The following NCAM2 variants were observed in gnomAD, a reference collection of about 807,000 sequenced individuals.
NCAM2 encodes the protein N-CAM-2.
Under a neutral mutation model 98.1 loss-of-function variants are expected in NCAM2, and 30 were observed. The ratio of observed to expected loss-of-function variants is 0.31; its 90% CI spans 0.23 to 0.41. The LOEUF is 0.41. NCAM2 is among the 10% of genes least tolerant of loss of function. The pLI is 1.00. For missense variants in NCAM2, 867 were observed against 1,005.8 expected (o/e 0.86, Z 1.87); for synonymous variants, 368 against 342.4 (o/e 1.07, Z -0.83).
chr21:21,397,120 A>G (rs113218061), intron 9 of NCAM2, among the ~76,000 whole-genome samples: 1 of 152,134 alleles, frequency 6.6e-6, no homozygotes, highest in Non-Finnish European at 1.5e-5. Context: ...TCATCCTGAC[A>G]TCTGTCCAAC....
chr21:21,058,826 A>G (rs1397452692), intron 1 of NCAM2, among the ~76,000 whole-genome samples: 2 of 152,014 alleles, frequency 1.3e-5, no homozygotes, highest in African/African-American at 4.8e-5. Context: ...TTGCTTTTCC[A>G]TTCTTCATTG....
intron 5 of NCAM2, among the ~76,000 whole-genome samples, chr21:21,295,821 G>T (rs375664002): frequency 2.1e-4 from 31 of 146,356 alleles, no homozygotes; most frequent in African/African-American, 8.0e-4. Flanking sequence ...TGCAAAACTA[G>T]TGCTTTTGTC....
chr21:21,477,460 A>T lies in NCAM2; in HGVS notation c.2066A>T (p.Asn689Ile). ...VYEFSMPPKP[N>I]IIKDTLFNGL... Reference sequence around the variant, plus strand: ...GAATTCAGCATGCCACCAAAGCCCAACATTATTAAAGGTAAGCAAAACTAT... The same window carrying T: ...GAATTCAGCATGCCACCAAAGCCCATCATTATTAAAGGTAAGCAAAACTAT... Residue 689 changes from asparagine (N) to isoleucine (I), a missense_variant, in exon 15 of 18, where the codon AAC becomes ATC. Around this residue, in one of 5 missense-constraint regions of NCAM2, gnomAD observed 234 missense variants for 333.8 expected, o/e 0.70. Transcript: ENST00000400546. 6.3e-7 allele frequency: 1 copy of T among 1,597,476 alleles called. No homozygotes were observed. The highest frequency in any genetic ancestry group is 8.5e-7 in the Non-Finnish European group (1 of 1,169,868).
At chr21:21,478,941 CTA>C (rs976849145) in intron 15 of NCAM2, among the ~76,000 whole-genome samples, 5 of 152,082 alleles carry the variant, frequency 3.3e-5, no homozygotes, top group African/African-American at 1.2e-4. Context: ...CATTACCTCT[CTA>C]TGTTTGAAAC....
intron 12 of NCAM2, chr21:21,463,757 C>G (rs182258351): frequency 9.9e-5 from 15 of 152,000 alleles, no homozygotes; most frequent in Non-Finnish European, 8.8e-5. Context: ...CTCCTCATAG[C>G]GCCTGTGAAA....
At chr21:21,244,247 T>C (rs1037903415) in intron 1 of NCAM2, among the ~76,000 whole-genome samples, 4 of 152,094 alleles carry the variant, frequency 2.6e-5, no homozygotes, top group African/African-American at 9.7e-5. Flanking sequence ...AAGGAAACCT[T>C]TTGTTGCTCC....
At chr21:21,373,742 G>A in intron 8 of NCAM2, 121 bp from the exon 9 acceptor site, 1 of 875,826 alleles carries the variant, frequency 1.1e-6, no homozygotes, top group Admixed American at 3.0e-5. Flanking sequence ...TCTACATCAG[G>A]AACAGTTTCT....
chr21:21,367,283 C>T (rs1175487290), intron 8 of NCAM2, among the ~76,000 whole-genome samples: 2 of 151,734 alleles, frequency 1.3e-5, no homozygotes, highest in African/African-American at 2.4e-5. Context: ...TTTGTTACAT[C>T]GATATATTAC....
intron 12 of NCAM2, among the ~76,000 whole-genome samples, chr21:21,456,311 A>C (rs2826848): frequency 0.21 from 31,634 of 152,098 alleles, 3,495 homozygotes; most frequent in African/African-American, 0.28. Flanking sequence ...GCCTAAGAAT[A>C]AAATCTCTAA....
intron 1 of NCAM2, among the ~76,000 whole-genome samples, chr21:21,052,758 G>C (rs2065137413): frequency 6.6e-6 from 1 of 152,088 alleles, no homozygotes; most frequent in African/African-American, 2.4e-5. Context: ...GGCTCCATCT[G>C]GGGTTTCTAC....
chr21:21,259,673 C>A (rs1367067061), intron 1 of NCAM2, among the ~76,000 whole-genome samples: 1 of 152,070 alleles, frequency 6.6e-6, no homozygotes, highest in Non-Finnish European at 1.5e-5. Context: ...ACTGAGACCT[C>A]TGCACCCTCA....
chr21:21,387,960 A>C (rs987241847), intron 9 of NCAM2, among the ~76,000 whole-genome samples: 5 of 152,220 alleles, frequency 3.3e-5, no homozygotes, highest in Non-Finnish European at 7.3e-5. Flanking sequence ...ATAAACACCC[A>C]AAAACACAGT....
intron 1 of NCAM2, among the ~76,000 whole-genome samples, chr21:21,077,413 A>G (rs1308359744): frequency 6.6e-6 from 1 of 152,196 alleles, no homozygotes; most frequent in African/African-American, 2.4e-5. Flanking sequence ...TTGAGAAAGA[A>G]GCATCTACTG....
Position 21,152,100 on chromosome 21 carries a change from G to C in NCAM2, c.56-128478G>C, listed in dbSNP as rs1601509843. 1.3e-5 allele frequency among the ~76,000 whole-genome samples: 2 copies of C among 151,920 alleles called. 1 individual carries two copies. Among genetic ancestry groups the C allele is most frequent in the South Asian group, 4.1e-4 (2 of 4,824 alleles). ...CTCCATGTATGTTGGACTGGCTGAC[G>C]TTTTATCACAGTCAATGACTGATGC... On this transcript the variant is annotated intron_variant, in intron 1 of 17. Coordinates refer to ENST00000400546, the MANE Select transcript of NCAM2 (RefSeq NM_004540.5).
chr21:21,190,108 C>T (rs1312917049), intron 1 of NCAM2, among the ~76,000 whole-genome samples: 1 of 152,154 alleles, frequency 6.6e-6, no homozygotes, highest in Non-Finnish European at 1.5e-5. Context: ...GAGATGCATT[C>T]ACTGGGGAAG....
At chr21:21,396,668 G>A (rs1340829968) in intron 9 of NCAM2, among the ~76,000 whole-genome samples, 1 of 152,190 alleles carries the variant, frequency 6.6e-6, no homozygotes, top group African/African-American at 2.4e-5. Flanking sequence ...TGGTGGGACA[G>A]GCAGCTCCAG....
rs1255329754 is a variant in NCAM2, at chr21:21,151,135, A to G, written c.56-129443A>G. 7.2e-5 allele frequency among the ~76,000 whole-genome samples: 11 copies of G among 151,928 alleles called. No homozygotes were observed. In the East Asian group the frequency reaches 2.1e-3, roughly 29 times the overall value. ...TAAAAAAACACTTCTGTATCTGGCA[A>G]TTTAGATATATTTTTATTACCTATT... On this transcript the variant is annotated intron_variant, in intron 1 of 17. Transcript: ENST00000400546.
chr21:21,113,496 A>G (rs1470595291), intron 1 of NCAM2, among the ~76,000 whole-genome samples: 2 of 152,184 alleles, frequency 1.3e-5, no homozygotes, highest in East Asian at 1.9e-4. Context: ...AGGAAGAAGT[A>G]AGTGTGGATT....
rs562888086 is a variant in NCAM2, at chr21:21,526,775, A to G, written c.2283-7762A>G. 1.2e-4 allele frequency among the ~76,000 whole-genome samples: 19 copies of G among 152,268 alleles called. 2 individuals carry two copies. The South Asian group carries it at 3.9e-3, about 32-fold the overall frequency. ...TTGTGATATTGGCCAAAGAGTAAAC[A>G]AATAAATTAATGGAACCCAATAAAA... On this transcript the variant is annotated intron_variant, in intron 16 of 17. Coordinates refer to ENST00000400546, the MANE Select transcript of NCAM2 (RefSeq NM_004540.5).
Sources: allele counts gnomAD v4.1 joint callset (sites outside exome capture counted in the v4.1 genomes callset), GRCh38; gene constraint gnomAD v4.1.1; regional missense constraint gnomAD v4.1.1; transcripts MANE v1.5; gene names NCBI Gene and HGNC (gene_info 2026-07-23, HGNC 2026-07-21).